The following IQCH variants were observed in gnomAD, a reference collection of about 807,000 sequenced individuals.
IQCH encodes IQ domain-containing protein H.
In IQCH, 98 loss-of-function variants were observed where a neutral mutation model predicts 117.0. The observed-to-expected ratio is 0.84, with a 90% CI of 0.71 to 0.99. The LOEUF (loss-of-function observed/expected upper bound fraction) is 0.99. IQCH is among the 50% of genes least tolerant of loss of function. The probability of loss-of-function intolerance (pLI) is 0.00; values close to 1 mark genes in which losing one functional copy is unlikely to be tolerated. For missense variants in IQCH, 1,102 were observed against 1,243.8 expected, an observed-to-expected ratio of 0.89 and a Z score of 1.72; for synonymous variants, 412 against 448.2, an observed-to-expected ratio of 0.92 and a Z score of 1.02.
intron 16 of IQCH, among the ~76,000 whole-genome samples, chr15:67,450,242 A>G (rs576116546): frequency 1.5e-3 from 231 of 152,304 alleles, no homozygotes; most frequent in South Asian, 2.1e-3. Context: ...TGCCCTGGCC[A>G]GAACTTCCAA....
Position 67,474,974 on chromosome 15 carries a change from A to G in IQCH, c.2677-722A>G, listed in dbSNP as rs917097458. 1.3e-5 allele frequency among the ~76,000 whole-genome samples: 2 copies of G among 152,178 alleles called. No individual in the cohort carries two copies. Among genetic ancestry groups the G allele is most frequent in the African/African-American group, 2.4e-5 (1 of 41,432 alleles). On this transcript the variant is annotated intron_variant, in intron 17 of 20. Transcript: ENST00000335894. The surrounding 1 kb of genome is among the most constrained non-coding windows in gnomAD (Gnocchi z 4.1). ...AAACATCAGACAAACTGAAATTGAGAGAGATTTCACAAAATGCTTGCCCAT... is the reference window on the plus strand; with the variant it reads ...AAACATCAGACAAACTGAAATTGAGGGAGATTTCACAAAATGCTTGCCCAT...
intron 4 of IQCH, among the ~76,000 whole-genome samples, chr15:67,305,920 T>G (rs2140544532): frequency 6.6e-6 from 1 of 152,194 alleles, no homozygotes; most frequent in Non-Finnish European, 1.5e-5. Flanking sequence ...CTACATACTT[T>G]GAGCAAAGAG....
At chr15:67,269,131 T>C (rs1965797426) in intron 3 of IQCH, among the ~76,000 whole-genome samples, 1 of 151,928 alleles carries the variant, frequency 6.6e-6, no homozygotes, top group African/African-American at 2.4e-5. Flanking sequence ...TTAATGCCAC[T>C]GGTAACTGAT....
chr15:67,310,674 C>T (rs1405259618), intron 4 of IQCH, among the ~76,000 whole-genome samples: 1 of 152,002 alleles, frequency 6.6e-6, no homozygotes, highest in Admixed American at 6.6e-5. Flanking sequence ...TGTTTCACTG[C>T]TTGATTTAAG....
chr15:67,338,736 T>G (rs957633703), intron 5 of IQCH, among the ~76,000 whole-genome samples: 3 of 152,158 alleles, frequency 2.0e-5, no homozygotes, highest in African/African-American at 7.2e-5. Context: ...TTACATTACA[T>G]AGACCAAATT....
At chr15:67,484,707 C>T (rs759018846) in intron 18 of IQCH, among the ~76,000 whole-genome samples, 23 of 151,246 alleles carry the variant, frequency 1.5e-4, no homozygotes, top group Non-Finnish European at 2.5e-4. Context: ...TGCCATTGCA[C>T]TCCAGCCTGG....
chr15:67,456,168 A>G lies in IQCH; in HGVS notation c.2506-8959A>G, dbSNP rs141536013. 6.2e-4 allele frequency among the ~76,000 whole-genome samples: 95 copies of G among 152,296 alleles called. No homozygotes were observed. Among genetic ancestry groups the G allele is most frequent in the African/African-American group, 2.1e-3 (89 of 41,560 alleles). ...TTTGTGATTTTTTTTTACAAAGGTG[A>G]AAAGTATAAATACAGCTGCCGATGA... On this transcript the variant is annotated intron_variant, in intron 16 of 20. Transcript: ENST00000335894. This position sits in a 1 kb window ranked among gnomAD's most constrained non-coding sequence, Gnocchi z 5.1.
chr15:67,465,371 G>C lies in IQCH; in HGVS notation c.2676+74G>C. 6.8e-7 allele frequency: 1 copy of C among 1,475,130 alleles called. No individual in the cohort carries two copies. The highest frequency in any genetic ancestry group is 9.3e-7 in the Non-Finnish European group (1 of 1,080,904). The allele number at this position is 1,475,130 out of a possible 1,614,324, so 91.4% of individuals were successfully genotyped here. A position where few individuals can be genotyped will look rare whatever the true frequency, so the allele number is the denominator to read the frequency against. On this transcript the variant is annotated intron_variant, in intron 17 of 20. Transcript: ENST00000335894. This position sits in a 1 kb window ranked among gnomAD's most constrained non-coding sequence, Gnocchi z 5.9. ...CTGCCACTGCCTGAGCTCTGTCTAG[G>C]AGCCAGGATCTTTGAGTACAGGAAG...
Position 67,388,994 on chromosome 15 carries a change from A to C in IQCH, c.1620A>C (p.Val540=). 1 of 1,612,700 alleles carries C rather than the reference A, an allele frequency of 6.2e-7. No individual in the cohort carries two copies. The highest frequency in any genetic ancestry group is 8.5e-7 in the Non-Finnish European group (1 of 1,179,012). The part of the protein sequence containing the change: ...DRFKIITPEA[V]NIFPKHHMCL... Reference sequence around the variant, plus strand: ...TCAAAATTATCACACCTGAAGCTGTAAACATCTTCCCTGTGAGTTTGTGTT... The same window carrying C: ...TCAAAATTATCACACCTGAAGCTGTCAACATCTTCCCTGTGAGTTTGTGTT... The change falls in exon 12 of 21, where the codon GTA becomes GTC. Residue 540 remains valine, a synonymous_variant. Coordinates refer to ENST00000335894, the MANE Select transcript of IQCH (RefSeq NM_001031715.3). The surrounding 1 kb of genome is among the most constrained non-coding windows in gnomAD (Gnocchi z 5.5).
chr15:67,325,124 G>A (rs1173916076), intron 4 of IQCH, among the ~76,000 whole-genome samples: 1 of 151,952 alleles, frequency 6.6e-6, no homozygotes, highest in Non-Finnish European at 1.5e-5. Flanking sequence ...TTGTTATTCG[G>A]ATTAGGTAAT....
intron 6 of IQCH, among the ~76,000 whole-genome samples, chr15:67,347,103 C>T (rs1969429212): frequency 6.6e-6 from 1 of 151,308 alleles, no homozygotes; most frequent in Non-Finnish European, 1.5e-5. Flanking sequence ...GATCTAAGCT[C>T]CCACTCTAAA....
Position 67,279,485 on chromosome 15 carries a change from A to T in IQCH, c.360A>T (p.Ser120=), listed in dbSNP as rs1406362672. The T allele has an allele frequency of 6.2e-6, 10 of 1,601,622 alleles. No individual in the cohort carries two copies. Among genetic ancestry groups the T allele is most frequent in the Non-Finnish European group, 7.7e-6 (9 of 1,172,146 alleles). ...TFWQPQRQHS[S]SLPVFPRAKI... is the part of the protein sequence containing the mutation. ...GGCAACCCCAAAGACAGCACAGTTC[A>T]TCTCTGCCTGTCTTTCCAAGAGCAA... Residue 120 remains serine (S), a synonymous_variant, in exon 4 of 21, where the codon TCA becomes TCT. Coordinates refer to ENST00000335894, the MANE Select transcript of IQCH (RefSeq NM_001031715.3).
chr15:67,421,654 G>A, intron 16 of IQCH, 77 bp downstream of exon 16: 1 of 1,384,128 alleles, frequency 7.2e-7, no homozygotes, highest in South Asian at 1.3e-5. Flanking sequence ...GTACAACAGG[G>A]CATATGAGGG....
chr15:67,431,327 A>T lies in IQCH; in HGVS notation c.2505+9750A>T, dbSNP rs575767940. On this transcript the variant is annotated intron_variant, in intron 16 of 20. Transcript: ENST00000335894. This position sits in a 1 kb window ranked among gnomAD's most constrained non-coding sequence, Gnocchi z 4.8. ...CTTTCAGAACAAGATCATGTCCTGC[A>T]TTTGCAGGGACATGGATGTAGCTGG... Among the ~76,000 whole-genome samples the T allele has an allele frequency of 6.6e-6, 1 of 152,326 alleles. No individual in the cohort carries two copies. The highest frequency in any genetic ancestry group is 6.5e-5 in the Admixed American group (1 of 15,302).
chr15:67,285,275 C>T (rs547053817), intron 4 of IQCH, among the ~76,000 whole-genome samples: 31 of 150,814 alleles, frequency 2.1e-4, no homozygotes, highest in African/African-American at 6.9e-4. Context: ...AGTATCCATT[C>T]ATGTCCTTTG....
chr15:67,295,651 G>A (rs770746647), intron 4 of IQCH, among the ~76,000 whole-genome samples: 2 of 152,154 alleles, frequency 1.3e-5, no homozygotes, highest in Non-Finnish European at 2.9e-5. Context: ...AGGTACATGA[G>A]AGGACTAAAT....
At position 67,494,866 on chromosome 15, in the gene IQCH, C is replaced by T. The variant is rs1043144648; in HGVS notation, c.2970+500C>T. Among the ~76,000 whole-genome samples the T allele has an allele frequency of 6.6e-6, 1 of 152,098 alleles. No homozygotes were observed. Among genetic ancestry groups the T allele is most frequent in the Admixed American group, 6.5e-5 (1 of 15,268 alleles). On this transcript the variant is annotated intron_variant, in intron 20 of 20. Coordinates refer to ENST00000335894, the MANE Select transcript of IQCH (RefSeq NM_001031715.3). This position sits in a 1 kb window ranked among gnomAD's most constrained non-coding sequence, Gnocchi z 5.5. ...CCATCTACCCCACCCGTTTCTCCACCGTGGGTTGGATTATTTCACTACTAA... is the reference window on the plus strand; with the variant it reads ...CCATCTACCCCACCCGTTTCTCCACTGTGGGTTGGATTATTTCACTACTAA...
At chr15:67,303,186 C>T (rs576727776) in intron 4 of IQCH, among the ~76,000 whole-genome samples, 121 of 152,178 alleles carry the variant, frequency 8.0e-4, no homozygotes, top group African/African-American at 2.7e-3. Context: ...TAAAAAGTTG[C>T]GAAGCCTACA....
At position 67,372,557 on chromosome 15, in the gene IQCH, T is replaced by G. The variant is rs1178684567; in HGVS notation, c.1200T>G (p.Gly400=). 1 of 1,613,760 alleles carries G rather than the reference T, an allele frequency of 6.2e-7. No homozygotes were observed. The highest frequency in any genetic ancestry group is 8.5e-7 in the Non-Finnish European group (1 of 1,179,926). The change falls in exon 9 of 21, where the codon GGT becomes GGG. Residue 400 remains glycine (G), a synonymous_variant. Coordinates refer to ENST00000335894, the MANE Select transcript of IQCH (RefSeq NM_001031715.3). Reference sequence around the variant, plus strand: ...ATCGCCAGCAGAAGTGGGCATCAGGTGTGATTGCCATTGCTTGGCTGTTAT... The same window carrying G: ...ATCGCCAGCAGAAGTGGGCATCAGGGGTGATTGCCATTGCTTGGCTGTTAT... The part of the protein sequence containing the change: ...LFYRQQKWAS[G]VIAIAWLLYC...
Sources: gnomAD v4.1 joint callset for allele counts (sites outside exome capture counted in the v4.1 genomes callset) on GRCh38, gnomAD v4.1.1 for gene constraint, Gnocchi (gnomAD v3.1) non-coding constraint, MANE v1.5 for transcripts, NCBI Gene and HGNC (gene_info 2026-07-23, HGNC 2026-07-21) for gene names.